Variants in TMEM178B observed in about 807,000 individuals in gnomAD.
TMEM178B encodes the protein transmembrane protein 178B.
In TMEM178B, 5 loss-of-function variants were observed where a neutral mutation model predicts 31.0. That is an observed-to-expected ratio of 0.16 (90% CI 0.08 to 0.34). TMEM178B has a LOEUF of 0.34. Among genes scored for constraint, TMEM178B ranks in the 10% least tolerant of loss-of-function variants. The probability of loss-of-function intolerance (pLI) is 1.00; values close to 1 mark genes in which losing one functional copy is unlikely to be tolerated. For missense variants in TMEM178B, 275 were observed against 400.3 expected (o/e 0.69, Z 2.67); for synonymous variants, 164 against 164.0 (o/e 1.00, Z 0.00).
chr7:141,135,057 A>G (rs1311944089), intron 1 of TMEM178B, among the ~76,000 whole-genome samples: 1 of 152,214 alleles, frequency 6.6e-6, no homozygotes, highest in Non-Finnish European at 1.5e-5. Flanking sequence ...TGACATCCAC[A>G]TAAGATGTGA....
chr7:141,129,489 C>T (rs953140304), intron 1 of TMEM178B, among the ~76,000 whole-genome samples: 1 of 152,164 alleles, frequency 6.6e-6, no homozygotes, highest in African/African-American at 2.4e-5. Context: ...ATCAAGATAA[C>T]GAATGCTTCT....
intron 1 of TMEM178B, among the ~76,000 whole-genome samples, chr7:141,142,615 G>A (rs1316928901): frequency 6.6e-6 from 1 of 152,000 alleles, no homozygotes; most frequent in East Asian, 1.9e-4. Flanking sequence ...CACTGTGTTA[G>A]CCAGGATGGT....
intron 3 of TMEM178B, among the ~76,000 whole-genome samples, chr7:141,469,242 C>T (rs1470545257): frequency 1.3e-5 from 2 of 152,184 alleles, no homozygotes; most frequent in Non-Finnish European, 1.5e-5. Flanking sequence ...GACTTCTTTA[C>T]CCTCACTCTC....
the TMEM178B span, among the ~76,000 whole-genome samples, chr7:141,498,912 C>T: frequency 6.6e-6 from 1 of 152,144 alleles, no homozygotes; most frequent in Admixed American, 6.5e-5. Context: ...TTGGAGATAG[C>T]CATCAGATGG....
intron 2 of TMEM178B, among the ~76,000 whole-genome samples, chr7:141,392,944 A>G (rs1227287493): frequency 6.6e-6 from 1 of 151,920 alleles, no homozygotes; most frequent in Non-Finnish European, 1.5e-5. Context: ...TAACTGAAAA[A>G]AAGACAGAGT....
intron 2 of TMEM178B, among the ~76,000 whole-genome samples, chr7:141,256,739 C>T (rs1478401230): frequency 1.3e-5 from 2 of 152,004 alleles, no homozygotes; most frequent in Admixed American, 6.6e-5. Flanking sequence ...TTGTACTTAG[C>T]CTGGTGAGAG....
At chr7:141,175,086 T>C (rs1187811933) in intron 1 of TMEM178B, among the ~76,000 whole-genome samples, 2 of 152,242 alleles carry the variant, frequency 1.3e-5, no homozygotes, top group Non-Finnish European at 2.9e-5. Context: ...AGGGTTTTTA[T>C]GGTTTTAGGT....
At chr7:141,240,094 GTTAA>G (rs1343115628) in intron 2 of TMEM178B, among the ~76,000 whole-genome samples, 2 of 152,134 alleles carry the variant, frequency 1.3e-5, no homozygotes, top group Non-Finnish European at 2.9e-5. Flanking sequence ...GAAATCACAT[GTTAA>G]TTTTATACTA....
intron 3 of TMEM178B, among the ~76,000 whole-genome samples, chr7:141,466,889 T>A (rs1399945146): frequency 6.6e-6 from 1 of 152,148 alleles, no homozygotes; most frequent in Non-Finnish European, 1.5e-5. Context: ...CCACAGTAGG[T>A]GAGGCACGAG....
chr7:141,089,996 C>T (rs369585917), intron 1 of TMEM178B, among the ~76,000 whole-genome samples: 4 of 151,946 alleles, frequency 2.6e-5, no homozygotes, highest in Admixed American at 2.0e-4. Flanking sequence ...TACCCTAGAA[C>T]TTAAAGTATA....
chr7:141,157,618 G>T (rs899241039), intron 1 of TMEM178B, among the ~76,000 whole-genome samples: 2 of 152,122 alleles, frequency 1.3e-5, no homozygotes, highest in Non-Finnish European at 2.9e-5. Context: ...AGGTCCTGTC[G>T]CTGGCAGTCT....
the TMEM178B span, among the ~76,000 whole-genome samples, chr7:141,501,827 C>A: frequency 6.6e-6 from 1 of 151,504 alleles, no homozygotes; most frequent in African/African-American, 2.4e-5. Flanking sequence ...TGAGTCAATT[C>A]CTTAGAATCA....
At chr7:141,118,144 T>G (rs975621835) in intron 1 of TMEM178B, among the ~76,000 whole-genome samples, 3 of 152,210 alleles carry the variant, frequency 2.0e-5, no homozygotes, top group African/African-American at 7.2e-5. Flanking sequence ...CTGCAGATGT[T>G]TCTGTCTGTG....
chr7:141,216,319 A>G (rs890969477), intron 2 of TMEM178B, among the ~76,000 whole-genome samples: 2 of 152,140 alleles, frequency 1.3e-5, no homozygotes. Flanking sequence ...TGGTCGGGTG[A>G]CTAGCAGGTG....
At chr7:141,188,243 C>A (rs1796643528) in intron 1 of TMEM178B, among the ~76,000 whole-genome samples, 1 of 152,138 alleles carries the variant, frequency 6.6e-6, no homozygotes, top group Admixed American at 6.5e-5. Context: ...TCATCACAAC[C>A]ACCCCTTGAA....
At chr7:141,185,298 G>A (rs762181750) in intron 1 of TMEM178B, among the ~76,000 whole-genome samples, 2 of 152,220 alleles carry the variant, frequency 1.3e-5, no homozygotes, top group African/African-American at 2.4e-5. Flanking sequence ...TTGCCTTGGT[G>A]TACTGGAAGA....
At chr7:141,259,735 C>T (rs552596390) in intron 2 of TMEM178B, among the ~76,000 whole-genome samples, 1 of 152,310 alleles carries the variant, frequency 6.6e-6, no homozygotes, top group East Asian at 1.9e-4. Context: ...TCTAGGTCAG[C>T]ATAGCTTAGT....
intron 2 of TMEM178B, among the ~76,000 whole-genome samples, chr7:141,363,781 A>G (rs1329287088): frequency 2.6e-5 from 4 of 152,154 alleles, no homozygotes; most frequent in South Asian, 4.1e-4. Context: ...TCCTGAGGCT[A>G]TTCTCAAAGT....
chr7:141,439,372 G>A (rs946677555), intron 3 of TMEM178B, among the ~76,000 whole-genome samples: 1 of 152,026 alleles, frequency 6.6e-6, no homozygotes, highest in Non-Finnish European at 1.5e-5. Context: ...GGACGTGATG[G>A]CTCTGTCTAG....
Sources: allele counts gnomAD v4.1 joint callset (sites outside exome capture counted in the v4.1 genomes callset), GRCh38; gene constraint gnomAD v4.1.1; transcripts MANE v1.5; gene names NCBI Gene and HGNC (gene_info 2026-07-23, HGNC 2026-07-21).